The following ERN2 variants were observed in gnomAD, a reference collection of about 807,000 sequenced individuals.
The protein encoded by ERN2 is serine/threonine-protein kinase/endoribonuclease IRE2.
Under a neutral mutation model 107.9 loss-of-function variants are expected in ERN2, and 111 were observed. The observed-to-expected ratio is 1.03, with a 90% CI of 0.88 to 1.20. The LOEUF (loss-of-function observed/expected upper bound fraction) is 1.20, where lower values mean the gene tolerates loss of function less well. ERN2 is among the 50% of genes most tolerant of loss of function. The pLI is 0.00. For missense variants in ERN2, 1,225 were observed against 1,197.9 expected, an observed-to-expected ratio of 1.02 and a Z score of -0.33; for synonymous variants, 524 against 501.7, an observed-to-expected ratio of 1.04 and a Z score of -0.59.
At chr16:23,697,880 C>T (rs980267073) in intron 13 of ERN2, among the ~76,000 whole-genome samples, 1 of 152,086 alleles carries the variant, frequency 6.6e-6, no homozygotes, top group Non-Finnish European at 1.5e-5. Context: ...CCTCAGCCCC[C>T]CAAGCAGCTG....
In ERN2 at chr16:23,713,032, G is replaced by A. The variant is rs982104888; in HGVS notation, c.93+63C>T. The A allele has an allele frequency of 9.8e-5, 129 of 1,313,322 alleles. 1 individual carries two copies. The highest frequency in any genetic ancestry group is 1.3e-4 in the Non-Finnish European group (128 of 996,246). 81.4% of individuals were successfully genotyped at this position (1,313,322 alleles called of 1,614,324 possible). ...CCCGCCGCGCCCTCGCCCCAAGTGC[G>A]ACGCCGCCCCCTGCGCCCCGCGACC... is the stretch of plus-strand genomic sequence containing the variant. On this transcript the variant is annotated intron_variant, in intron 1 of 21. Transcript: ENST00000256797.
chr16:23,692,768 C>T (rs1165784068), intron 17 of ERN2, among the ~76,000 whole-genome samples: 1 of 151,794 alleles, frequency 6.6e-6, no homozygotes, highest in Non-Finnish European at 1.5e-5. Context: ...CTCATGTTGC[C>T]CAGGCTAGAG....
intron 17 of ERN2, 136 bp downstream of exon 17, chr16:23,694,592 G>T: frequency 1.3e-6 from 1 of 755,546 alleles, no homozygotes; most frequent in Non-Finnish European, 2.1e-6. Context: ...TTCTTTAAGG[G>T]AAACAAGCTT....
In ERN2 at chr16:23,692,334, G is replaced by A; in HGVS notation, c.2101-3C>T. On this transcript the variant is annotated splice_polypyrimidine_tract_variant and splice_region_variant and intron_variant, in intron 17 of 21. Transcript: ENST00000256797. ...GAGAAGATGTCCACAGCGCTGGTCT[G>A]GAGCCAGAGAGATGGGCATGAGAAG... The A allele has an allele frequency of 6.2e-7, 1 of 1,612,090 alleles. No individual in the cohort carries two copies. The highest frequency in any genetic ancestry group is 2.2e-5 in the East Asian group (1 of 44,886).
Position 23,707,048 on chromosome 16 carries a change from T to G in ERN2, c.338A>C (p.His113Pro), listed in dbSNP as rs1960348491. 1.9e-6 allele frequency: 3 copies of G among 1,614,068 alleles called. No homozygotes were observed. The highest frequency in any genetic ancestry group is 1.7e-5 in the Admixed American group (1 of 59,998). ...KLPFTIPELV[H>P]ASPCRSSDGV... Reference sequence around the variant, plus strand: ...ATCAGAGCTGCGGCAGGGAGAGGCATGAACCAGCTCAGGGATGGTGAATGG... The same window carrying G: ...ATCAGAGCTGCGGCAGGGAGAGGCAGGAACCAGCTCAGGGATGGTGAATGG... The change falls in exon 5 of 22, where the codon CAT becomes CCT. Residue 113 changes from histidine to proline, a missense_variant. Transcript: ENST00000256797.
chr16:23,707,136 GT>G, intron 4 of ERN2, 57 bp from the exon 5 acceptor site: 1 of 1,233,612 alleles, frequency 8.1e-7, no homozygotes, highest in Non-Finnish European at 1.2e-6. Context: ...AGTGCTCACT[GT>G]GCCAGGTGAG....
At chr16:23,710,678 CA>C in intron 2 of ERN2, 129 bp from the exon 3 acceptor site, 3 of 1,122,648 alleles carry the variant, frequency 2.7e-6, no homozygotes, top group Non-Finnish European at 4.1e-6. Flanking sequence ...GCCATCTTCC[CA>C]AAAACTCTGT....
Position 23,690,473 on chromosome 16 carries a change from G to C in ERN2, c.*358C>G, listed in dbSNP as rs1332898948. On this transcript the variant is annotated 3_prime_UTR_variant, in exon 22 of 22. Coordinates refer to ENST00000256797, the MANE Select transcript of ERN2 (RefSeq NM_033266.4). Reference sequence around the variant, plus strand: ...CTCTGCCAGTCTTGTGGGGGAAAGGGGGTGACAGTGTCTCTCTGTGGACCA... The same window carrying C: ...CTCTGCCAGTCTTGTGGGGGAAAGGCGGTGACAGTGTCTCTCTGTGGACCA... The C allele has an allele frequency of 3.0e-5, 14 of 459,124 alleles. 1 individual carries two copies. The South Asian group carries it at 3.2e-4, about 11-fold the overall frequency. 28.4% of individuals were successfully genotyped at this position (459,124 alleles called of 1,614,324 possible). A position where few individuals can be genotyped will look rare whatever the true frequency, so the allele number is the denominator to read the frequency against.
intron 4 of ERN2, 64 bp from the exon 5 acceptor site, chr16:23,707,143 G>A: frequency 8.7e-7 from 1 of 1,152,764 alleles, no homozygotes; most frequent in Non-Finnish European, 1.3e-6. Context: ...ACTGTGCCAG[G>A]TGAGCCCATT....
intron 8 of ERN2, 75 bp downstream of exon 8, chr16:23,704,808 C>T (rs778892309): frequency 1.2e-4 from 177 of 1,498,530 alleles, no homozygotes; most frequent in Non-Finnish European, 1.5e-4. Context: ...AGCTGAACAT[C>T]TCGCCTGGCC....
chr16:23,696,508 T>C (rs1248461982), intron 13 of ERN2, among the ~76,000 whole-genome samples: 2 of 152,084 alleles, frequency 1.3e-5, no homozygotes, highest in Admixed American at 1.3e-4. Context: ...TGAGAGTGAG[T>C]ATAGCCACAG....
At chr16:23,700,865 A>G in intron 12 of ERN2, 94 bp downstream of exon 12, 1 of 1,493,464 alleles carries the variant, frequency 6.7e-7, no homozygotes, top group Non-Finnish European at 9.0e-7. Context: ...GGGCAAAATC[A>G]GAGCTGGGTA....
intron 8 of ERN2, 66 bp downstream of exon 8, chr16:23,704,817 C>A: frequency 6.5e-7 from 1 of 1,535,276 alleles, no homozygotes. Context: ...TCTCGCCTGG[C>A]CATCAGACCC....
intron 2 of ERN2, 89 bp from the exon 3 acceptor site, chr16:23,710,638 G>T: frequency 1.4e-6 from 2 of 1,412,804 alleles, no homozygotes; most frequent in Non-Finnish European, 2.0e-6. Context: ...TGGCATGACT[G>T]TGATGTCAAG....
At position 23,712,930 on chromosome 16, in the gene ERN2, A is replaced by G. The variant is rs987831834; in HGVS notation, c.93+165T>C. 7.1e-6 allele frequency: 4 copies of G among 565,156 alleles called. No individual in the cohort carries two copies. In the African/African-American group the frequency reaches 8.0e-5, roughly 11 times the overall value. 35.0% of individuals were successfully genotyped at this position (565,156 alleles called of 1,614,324 possible). A position where few individuals can be genotyped will look rare whatever the true frequency, so the allele number is the denominator to read the frequency against. On this transcript the variant is annotated intron_variant, in intron 1 of 21. Transcript: ENST00000256797. The stretch of plus-strand genomic sequence containing the variant: ...GTTGGGGGCAACTGGCGGCTCCCCA[A>G]ACCCAGGAGGCTTTTACTCCGTTGG...
chr16:23,697,217 A>C (rs1475706988), intron 13 of ERN2: 2 of 151,176 alleles, frequency 1.3e-5, no homozygotes, highest in African/African-American at 4.9e-5. Context: ...TAATAATAAA[A>C]TCAGCATTAG....
chr16:23,692,106 G>A lies in ERN2; in HGVS notation c.2249-16C>T, dbSNP rs1378911384. On this transcript the variant is annotated splice_polypyrimidine_tract_variant and intron_variant, in intron 18 of 21. Transcript: ENST00000256797. ...ACCACCTTGTCTGGAGGATGGAAGAGGAGGAGGAGAGTCTGCTTCAGGCCT... is the reference window on the plus strand; with the variant it reads ...ACCACCTTGTCTGGAGGATGGAAGAAGAGGAGGAGAGTCTGCTTCAGGCCT... 1 of 1,613,530 alleles carries A rather than the reference G, an allele frequency of 6.2e-7. No individual in the cohort carries two copies. Among genetic ancestry groups the A allele is most frequent in the East Asian group, 2.2e-5 (1 of 44,888 alleles).
At position 23,702,221 on chromosome 16, in the gene ERN2, G is replaced by A. The variant is rs565525492; in HGVS notation, c.1134C>T (p.Pro378=). Residue 378 remains proline, a synonymous_variant, in exon 11 of 22, where the codon CCC becomes CCT. Coordinates refer to ENST00000256797, the MANE Select transcript of ERN2 (RefSeq NM_033266.4). ...VLHTTMLRVH[P]TLGSGTAETR... ...TCTCTGCAGTTCCACTCCCCAGGGT[G>A]GGATGGACCCTCAGCATGGTGGTGT... The A allele has an allele frequency of 1.9e-6, 3 of 1,614,186 alleles. No homozygotes were observed. The South Asian group carries it at 3.3e-5, about 18-fold the overall frequency.
chr16:23,709,194 A>G lies in ERN2; in HGVS notation c.306+978T>C, dbSNP rs1394167548. The G allele has an allele frequency of 6.6e-6, 3 of 455,686 alleles. No homozygotes were observed. The East Asian group carries it at 2.1e-4, about 32-fold the overall frequency. 28.2% of individuals were successfully genotyped at this position (455,686 alleles called of 1,614,324 possible). On this transcript the variant is annotated intron_variant, in intron 4 of 21. Transcript: ENST00000256797. ...ACCTGTAGTTCCAGCTACTCAGGATACTGAGGTGCGAGGATTGCTTGAGGC... is the reference window on the plus strand; with the variant it reads ...ACCTGTAGTTCCAGCTACTCAGGATGCTGAGGTGCGAGGATTGCTTGAGGC...
Sources: allele counts gnomAD v4.1 joint callset (sites outside exome capture counted in the v4.1 genomes callset), GRCh38; gene constraint gnomAD v4.1.1; transcripts MANE v1.5; gene names NCBI Gene and HGNC (gene_info 2026-07-23, HGNC 2026-07-21).